AOPEP: variants seen among roughly 807,000 people sequenced by gnomAD.
AOPEP encodes the protein aminopeptidase O (putative), also known as aminopeptidase O.
AOPEP carries 77 observed loss-of-function variants against 98.1 expected under a neutral mutation model. That is an observed-to-expected ratio of 0.78 (90% CI 0.65 to 0.95). AOPEP has a LOEUF of 0.95. Among genes scored for constraint, AOPEP ranks in the 40% least tolerant of loss-of-function variants. The pLI, the probability that AOPEP is intolerant of heterozygous loss-of-function variation, is 0.00. For synonymous variants in AOPEP, 346 were observed against 365.3 expected, an observed-to-expected ratio of 0.95 and a Z score of 0.60; for missense variants, 1,024 against 1,024.7, an observed-to-expected ratio of 1.00 and a Z score of 0.01.
rs146466289 is a variant in AOPEP at position 94,907,414 on chromosome 9, C to T, written c.1365-16572C>T. Among the ~76,000 whole-genome samples the T allele has an allele frequency of 2.8e-3, 428 of 152,216 alleles. 5 individuals are homozygous for T. Among genetic ancestry groups the T allele is most frequent in the African/African-American group, 9.6e-3 (397 of 41,524 alleles). On this transcript the variant is annotated intron_variant, in intron 5 of 16. Coordinates refer to ENST00000375315, the MANE Select transcript of AOPEP (RefSeq NM_001193329.3). Reference sequence around the variant, plus strand: ...GCAGCTGCCATGTTTCAAGGAGAGCCGTCTTCTGTGTGTACACAGTGTTGG... The same window carrying T: ...GCAGCTGCCATGTTTCAAGGAGAGCTGTCTTCTGTGTGTACACAGTGTTGG...
Position 94,924,135 on chromosome 9 carries a change from C to A in AOPEP, c.1514C>A (p.Ala505Asp). 2 of 1,487,404 alleles carry A rather than the reference C, an allele frequency of 1.3e-6. No individual in the cohort carries two copies. The highest frequency in any genetic ancestry group is 9.0e-7 in the Non-Finnish European group (1 of 1,113,808). 92.1% of individuals were successfully genotyped at this position (1,487,404 alleles called of 1,614,324 possible). A position where few individuals can be genotyped will look rare whatever the true frequency, so the allele number is the denominator to read the frequency against. The change falls in exon 6 of 17, where the codon GCC (alanine) becomes GAC (aspartate). Residue 505 changes from alanine to aspartate, a missense_variant. Physicochemically the swap from Ala to Asp is moderately radical, Grantham distance 126. Transcript: ENST00000375315. ...GAGGAGTGGCTGAGTGAAGGCTTCGCCACTCACTTGGAGGATGTGTTTTGG... is the reference window on the plus strand; with the variant it reads ...GAGGAGTGGCTGAGTGAAGGCTTCGACACTCACTTGGAGGATGTGTTTTGG... ...WTEEWLSEGF[A>D]THLEDVFWAT...
chr9:95,125,125 C>A, the AOPEP span: 2 of 1,614,196 alleles, frequency 1.2e-6, no homozygotes, highest in Non-Finnish European at 1.7e-6. Flanking sequence ...CAAAGCACTG[C>A]GTAAACACCT....
intron 4 of AOPEP, among the ~76,000 whole-genome samples, 194 bp from the exon 5 acceptor site, chr9:94,800,563 A>G (rs988778985): frequency 6.6e-6 from 1 of 152,214 alleles, no homozygotes; most frequent in African/African-American, 2.4e-5. Context: ...ATTCAAACAC[A>G]TGAATACGTT....
intron 7 of AOPEP, chr9:94,932,649 AATTTTTGT>A (rs1191538849): frequency 4.6e-6 from 1 of 219,430 alleles, no homozygotes; most frequent in African/African-American, 2.3e-5. Flanking sequence ...ATGCCCGGCT[AATTTTTGT>A]ATTTTTAGTA....
intron 5 of AOPEP, among the ~76,000 whole-genome samples, chr9:94,833,826 A>G (rs1040313416): frequency 1.3e-5 from 2 of 152,238 alleles, no homozygotes; most frequent in Admixed American, 6.5e-5. Flanking sequence ...GCATCTCAGC[A>G]TAAATCGTTG....
chr9:94,955,158 T>A lies in AOPEP; in HGVS notation c.1662-19T>A. ...AAGAATGTGCTATACTTAAATAAAT[T>A]GTTACTAAATCGTTTTAGACCCAGT... On this transcript the variant is annotated intron_variant, in intron 7 of 16. Transcript: ENST00000375315. 2.8e-6 allele frequency: 4 copies of A among 1,432,760 alleles called. No homozygotes were observed. The highest frequency in any genetic ancestry group is 3.9e-6 in the Non-Finnish European group (4 of 1,023,586). 88.8% of individuals were successfully genotyped at this position (1,432,760 alleles called of 1,614,324 possible).
chr9:95,102,185 G>A, the AOPEP span, among the ~76,000 whole-genome samples: 1 of 152,226 alleles, frequency 6.6e-6, no homozygotes, highest in Non-Finnish European at 1.5e-5. Context: ...GTTGTGGGAT[G>A]ATCCACTGTG....
intron 5 of AOPEP, among the ~76,000 whole-genome samples, chr9:94,865,958 A>T (rs2045657875): frequency 1.3e-5 from 2 of 152,226 alleles, no homozygotes; most frequent in South Asian, 4.1e-4. Context: ...GGTCTTTGGC[A>T]TTTTAACTCA....
intron 1 of AOPEP, among the ~76,000 whole-genome samples, chr9:94,741,961 T>C (rs1759041753): frequency 6.6e-6 from 1 of 152,178 alleles, no homozygotes; most frequent in Admixed American, 6.5e-5. Flanking sequence ...AACTCAGCAC[T>C]AGAGTGCAGT....
intron 7 of AOPEP, among the ~76,000 whole-genome samples, chr9:94,945,617 T>C (rs1471205303): frequency 6.6e-6 from 1 of 152,170 alleles, no homozygotes; most frequent in East Asian, 1.9e-4. Flanking sequence ...AGGGCCGTGC[T>C]GTCCTCCACT....
chr9:94,935,574 C>T (rs895962613), intron 7 of AOPEP, among the ~76,000 whole-genome samples: 5 of 152,126 alleles, frequency 3.3e-5, no homozygotes, highest in Admixed American at 1.3e-4. Flanking sequence ...GCACTTGTCT[C>T]ATTGGTTGGA....
At chr9:94,868,125 A>G (rs1213014616) in intron 5 of AOPEP, among the ~76,000 whole-genome samples, 1 of 152,218 alleles carries the variant, frequency 6.6e-6, no homozygotes, top group Non-Finnish European at 1.5e-5. Flanking sequence ...AATGCTGACT[A>G]AAACAACTGA....
intron 5 of AOPEP, among the ~76,000 whole-genome samples, chr9:94,902,063 A>G (rs917731726): frequency 1.3e-5 from 2 of 152,222 alleles, no homozygotes; most frequent in African/African-American, 4.8e-5. Flanking sequence ...TGTCTAGACC[A>G]GGACCACTGG....
chr9:94,752,095 C>T (rs867435245), intron 1 of AOPEP, among the ~76,000 whole-genome samples: 2 of 151,958 alleles, frequency 1.3e-5, no homozygotes, highest in Middle Eastern at 6.8e-3. Flanking sequence ...CCTATGTTAC[C>T]CGGGCTTGTC....
chr9:95,117,667 A>G, the AOPEP span, among the ~76,000 whole-genome samples: 1 of 151,744 alleles, frequency 6.6e-6, no homozygotes, highest in Non-Finnish European at 1.5e-5. Context: ...ATACAAATAA[A>G]TCTTCTGTTT....
At chr9:95,013,949 C>T (rs566573497) in intron 13 of AOPEP, among the ~76,000 whole-genome samples, 3 of 152,174 alleles carry the variant, frequency 2.0e-5, no homozygotes, top group African/African-American at 7.2e-5. Flanking sequence ...GGTTACTTTT[C>T]CTGGTTGTCA....
At chr9:94,994,761 G>A (rs937762342) in intron 11 of AOPEP, among the ~76,000 whole-genome samples, 6 of 152,278 alleles carry the variant, frequency 3.9e-5, no homozygotes, top group African/African-American at 1.4e-4. Context: ...AGAACAGCCT[G>A]ACCAACATGG....
chr9:94,974,610 G>A (rs568531949), intron 10 of AOPEP, among the ~76,000 whole-genome samples: 86 of 152,308 alleles, frequency 5.6e-4, no homozygotes, highest in Non-Finnish European at 1.1e-3. Flanking sequence ...CTTCAGAAAT[G>A]TAACCGAAGG....
At chr9:95,150,107 T>TAAGA in the AOPEP span, 1 of 1,613,590 alleles carries the variant, frequency 6.2e-7, no homozygotes, top group Non-Finnish European at 8.5e-7. Context: ...AAATAAGAAA[T>TAAGA]AATCACTCAA....
Sources: allele counts gnomAD v4.1 joint callset (sites outside exome capture counted in the v4.1 genomes callset), GRCh38; gene constraint gnomAD v4.1.1; transcripts MANE v1.5; gene names NCBI Gene and HGNC (gene_info 2026-07-23, HGNC 2026-07-21).